The following RBM24 variants were observed in gnomAD, a reference collection of about 807,000 sequenced individuals.
The protein encoded by RBM24 is RNA binding motif protein 24, also known as RNA-binding protein 24.
A neutral mutation model predicts 23.6 loss-of-function variants in RBM24; 5 were observed. The ratio of observed to expected loss-of-function variants is 0.21; its 90% CI spans 0.11 to 0.45. The LOEUF (loss-of-function observed/expected upper bound fraction) is 0.45, where lower values mean the gene tolerates loss of function less well. RBM24 is among the 20% of genes least tolerant of loss of function. The pLI is 0.99. For synonymous variants in RBM24, 151 were observed against 129.5 expected, an observed-to-expected ratio of 1.17 and a Z score of -1.13; for missense variants, 252 against 314.6, an observed-to-expected ratio of 0.80 and a Z score of 1.51.
In RBM24 at chr6:17,287,820, C is replaced by A. The variant is rs549347223; in HGVS notation, c.347+3109C>A. Among the ~76,000 whole-genome samples, 16 of 151,116 alleles carry A rather than the reference C, an allele frequency of 1.1e-4. No homozygotes were observed. The South Asian group carries it at 1.7e-3, about 16-fold the overall frequency. Reference sequence around the variant, plus strand: ...CGAGACTCCATCTCAAAAAAAAAAACCAAAAAACAAATTTCTGGGCTAGTT... The same window carrying A: ...CGAGACTCCATCTCAAAAAAAAAAAACAAAAAACAAATTTCTGGGCTAGTT... On this transcript the variant is annotated intron_variant, in intron 3 of 3. Transcript: ENST00000379052.
intron 3 of RBM24, chr6:17,289,857 A>G: frequency 8.5e-7 from 1 of 1,175,116 alleles, no homozygotes; most frequent in Non-Finnish European, 1.1e-6. Context: ...CCGTGTCTAC[A>G]CGTTGTAGAC....
rs1267435414 is a variant in RBM24 at position 17,293,406 on chromosome 6, G to A, written c.*1287G>A. ...ATTTATTTAAATTCATATGTGCACT[G>A]TATAAGAGAGTACTCTTACATTAAC... On this transcript the variant is annotated 3_prime_UTR_variant, in exon 4 of 4. Transcript: ENST00000379052. 6.6e-6 allele frequency: 1 copy of A among 152,494 alleles called. No individual in the cohort carries two copies. The highest frequency in any genetic ancestry group is 1.9e-4 in the East Asian group (1 of 5,182). The allele number at this position is 152,494 out of a possible 1,614,324, so 9.4% of individuals were successfully genotyped here.
chr6:17,288,941 G>A (rs1268246179), intron 3 of RBM24: 1 of 985,306 alleles, frequency 1.0e-6, no homozygotes, highest in Non-Finnish European at 1.2e-6. Context: ...CAGTTGCTGT[G>A]AGATAGATTG....
intron 3 of RBM24, chr6:17,289,358 C>A (rs1339600474): frequency 1.0e-6 from 1 of 985,272 alleles, no homozygotes; most frequent in Non-Finnish European, 1.2e-6. Flanking sequence ...TTAAAATGTT[C>A]TAGGTTTTCA....
intron 2 of RBM24, chr6:17,283,141 T>C (rs1760081602): frequency 3.8e-6 from 2 of 524,618 alleles, no homozygotes; most frequent in African/African-American, 1.9e-5. Flanking sequence ...AAAATGGATC[T>C]TGGGGGTCGT....
In RBM24 at chr6:17,281,572, G is replaced by A; in HGVS notation, c.-10G>A. On this transcript the variant is annotated 5_prime_UTR_variant, in exon 1 of 4. Transcript: ENST00000379052. This position sits in a 1 kb window ranked among gnomAD's most constrained non-coding sequence, Gnocchi z 7.1. ...GCAGCCGGAGCCCGAGCCGCGGGGCGGGTGCGAAGATGCACACGACCCAGA... is the reference window on the plus strand; with the variant it reads ...GCAGCCGGAGCCCGAGCCGCGGGGCAGGTGCGAAGATGCACACGACCCAGA... The A allele has an allele frequency of 1.3e-6, 2 of 1,490,496 alleles. No individual in the cohort carries two copies. The highest frequency in any genetic ancestry group is 8.9e-7 in the Non-Finnish European group (1 of 1,120,132). The allele number at this position is 1,490,496 out of a possible 1,614,324, so 92.3% of individuals were successfully genotyped here. A position where few individuals can be genotyped will look rare whatever the true frequency, so the allele number is the denominator to read the frequency against.
At chr6:17,285,539 C>T (rs904835323) in intron 3 of RBM24, among the ~76,000 whole-genome samples, 1 of 151,944 alleles carries the variant, frequency 6.6e-6, no homozygotes, top group African/African-American at 2.4e-5. Flanking sequence ...GCTTGCATGT[C>T]CTAAGTTTCT....
At chr6:17,290,665 CTAACGTATTTCTGCTAAT>C (rs1259281940) in intron 3 of RBM24, among the ~76,000 whole-genome samples, 3 of 152,114 alleles carry the variant, frequency 2.0e-5, no homozygotes, top group Non-Finnish European at 4.4e-5. Context: ...GAACATAACA[CTAACGTATTTCTGCTAAT>C]TTGGAGGATG....
chr6:17,287,082 G>A (rs1267209637), intron 3 of RBM24, among the ~76,000 whole-genome samples: 2 of 152,174 alleles, frequency 1.3e-5, no homozygotes, highest in Non-Finnish European at 2.9e-5. Context: ...ATTCTTATTA[G>A]AAATAGATAG....
chr6:17,290,119 A>T, intron 3 of RBM24: 1 of 1,279,224 alleles, frequency 7.8e-7, no homozygotes, highest in Admixed American at 2.3e-5. Flanking sequence ...CTACCCTCTG[A>T]GATAAATTCA....
rs542695169 is a variant in RBM24 at position 17,284,751 on chromosome 6, C to G, written c.347+40C>G. On this transcript the variant is annotated intron_variant, in intron 3 of 3. Coordinates refer to ENST00000379052, the MANE Select transcript of RBM24 (RefSeq NM_001143942.2). ...CAGGCTTTCTTAAGTTTCAGTATGA[C>G]TATCATTTGTTAACGTGCCTCTTTG... is the stretch of plus-strand genomic sequence containing the variant. The G allele has an allele frequency of 5.1e-4, 769 of 1,501,018 alleles. 11 individuals are homozygous for G. In the South Asian group the frequency reaches 7.5e-3, roughly 15 times the overall value. 93.0% of individuals were successfully genotyped at this position (1,501,018 alleles called of 1,614,324 possible).
In RBM24 at chr6:17,291,994, G is replaced by A. The variant is rs780198834; in HGVS notation, c.586G>A (p.Ala196Thr). 5 of 1,607,350 alleles carry A rather than the reference G, an allele frequency of 3.1e-6. No homozygotes were observed. The highest frequency in any genetic ancestry group is 2.5e-6 in the Non-Finnish European group (3 of 1,179,024). ...GYVTAGGYGY[A>T]VQQPITAAAP... ...TGTTACTGCTGGGGGCTATGGCTACGCAGTCCAGCAGCCAATCACCGCAGC... is the reference window on the plus strand; with the variant it reads ...TGTTACTGCTGGGGGCTATGGCTACACAGTCCAGCAGCCAATCACCGCAGC... Residue 196 changes from alanine to threonine, a missense_variant, in exon 4 of 4, where the codon GCA becomes ACA. Coordinates refer to ENST00000379052, the MANE Select transcript of RBM24 (RefSeq NM_001143942.2).
At position 17,284,642 on chromosome 6, in the gene RBM24, A is replaced by G. The variant is rs1271461054; in HGVS notation, c.293-15A>G. 1.9e-6 allele frequency: 3 copies of G among 1,604,372 alleles called. No individual in the cohort carries two copies. Among genetic ancestry groups the G allele is most frequent in the Admixed American group, 1.7e-5 (1 of 59,442 alleles). Reference sequence around the variant, plus strand: ...ACCATGCACAAATAAAGAATGTGGTATATTTTGTTGTTAGGTTTTGCCTTT... The same window carrying G: ...ACCATGCACAAATAAAGAATGTGGTGTATTTTGTTGTTAGGTTTTGCCTTT... On this transcript the variant is annotated splice_polypyrimidine_tract_variant and intron_variant, in intron 2 of 3. Transcript: ENST00000379052.
chr6:17,288,185 C>T (rs1279223542), intron 3 of RBM24: 9 of 933,658 alleles, frequency 9.6e-6, no homozygotes, highest in African/African-American at 3.6e-5. Context: ...GTCTGCCTGA[C>T]CTCAGAAGCT....
chr6:17,289,095 TC>T (rs1760279529), intron 3 of RBM24: 1 of 985,458 alleles, frequency 1.0e-6, no homozygotes, highest in Non-Finnish European at 1.2e-6. Flanking sequence ...AAAAGTGTCT[TC>T]TTTGCACTTG....
intron 2 of RBM24, among the ~76,000 whole-genome samples, chr6:17,284,039 C>T (rs1760117562): frequency 6.6e-6 from 1 of 152,158 alleles, no homozygotes. Context: ...ACTCTTCACT[C>T]CTAAGCCTTT....
At chr6:17,285,312 G>A (rs1760160591) in intron 3 of RBM24, 1 of 152,234 alleles carries the variant, frequency 6.6e-6, no homozygotes, top group African/African-American at 2.4e-5. Flanking sequence ...GAAAAGAGCT[G>A]TAGTGAAAGT....
At chr6:17,287,597 T>C (rs1236516899) in intron 3 of RBM24, among the ~76,000 whole-genome samples, 1 of 151,492 alleles carries the variant, frequency 6.6e-6, no homozygotes, top group Non-Finnish European at 1.5e-5. Flanking sequence ...GGTCAGGAGG[T>C]TGAGAGGGCG....
chr6:17,288,263 G>C (rs1048158972), intron 3 of RBM24: 3 of 985,382 alleles, frequency 3.0e-6, no homozygotes, highest in Non-Finnish European at 3.6e-6. Flanking sequence ...AATCCAGTAA[G>C]AAAGCCGATA....
Sources: allele counts gnomAD v4.1 joint callset (sites outside exome capture counted in the v4.1 genomes callset), GRCh38; gene constraint gnomAD v4.1.1; non-coding constraint Gnocchi (gnomAD v3.1); transcripts MANE v1.5; gene names NCBI Gene and HGNC (gene_info 2026-07-23, HGNC 2026-07-21).